The following TBC1D13 variants were observed in gnomAD, a reference collection of about 807,000 sequenced individuals.
TBC1D13 encodes epididymis secretory sperm binding protein.
Under a neutral mutation model 53.6 loss-of-function variants are expected in TBC1D13, and 40 were observed. That is an observed-to-expected ratio of 0.75 (90% CI 0.58 to 0.97). The LOEUF (loss-of-function observed/expected upper bound fraction) is 0.97, where lower values mean the gene tolerates loss of function less well. TBC1D13 is among the 50% of genes least tolerant of loss of function. The probability of loss-of-function intolerance (pLI) is 0.00; values close to 1 mark genes in which losing one functional copy is unlikely to be tolerated. For missense variants in TBC1D13, 377 were observed against 499.4 expected, an observed-to-expected ratio of 0.75 and a Z score of 2.34; for synonymous variants, 182 against 197.7, an observed-to-expected ratio of 0.92 and a Z score of 0.67.
chr9:128,793,028 G>C (rs1049585365), intron 6 of TBC1D13, among the ~76,000 whole-genome samples: 5 of 152,204 alleles, frequency 3.3e-5, no homozygotes, highest in African/African-American at 1.2e-4. Flanking sequence ...AAATTTGAGG[G>C]GGTTTGGGGA....
chr9:128,799,815 A>T (rs1177664675), intron 7 of TBC1D13, among the ~76,000 whole-genome samples: 1 of 152,276 alleles, frequency 6.6e-6, no homozygotes, highest in African/African-American at 2.4e-5. Context: ...AGGTCAGGAG[A>T]TCGAGACCAT....
At chr9:128,792,961 G>A in intron 6 of TBC1D13, among the ~76,000 whole-genome samples, 1 of 152,236 alleles carries the variant, frequency 6.6e-6, no homozygotes, top group Non-Finnish European at 1.5e-5. Flanking sequence ...TGGCAAGACA[G>A]ACATTCAGCC....
chr9:128,797,044 C>A lies in TBC1D13; in HGVS notation c.384-11C>A. 1 of 1,613,620 alleles carries A rather than the reference C, an allele frequency of 6.2e-7. No individual in the cohort carries two copies. The highest frequency in any genetic ancestry group is 8.5e-7 in the Non-Finnish European group (1 of 1,179,786). On this transcript the variant is annotated splice_polypyrimidine_tract_variant and intron_variant, in intron 6 of 11. Transcript: ENST00000372648. Reference sequence around the variant, plus strand: ...TGAGTAACAAGATTATTTCCTGTTCCCTCTTGACAGGAGGTTGTGCCCAGA... The same window carrying A: ...TGAGTAACAAGATTATTTCCTGTTCACTCTTGACAGGAGGTTGTGCCCAGA...
At position 128,788,416 on chromosome 9, in the gene TBC1D13, C is replaced by A. The variant is rs1403011917; in HGVS notation, c.97+9C>A. ...GGAACTCAGCTTTAGTGGTAAGAAG[C>A]CATTCTGTATTTTCACGGTTTCCCT... On this transcript the variant is annotated intron_variant, in intron 2 of 11. Transcript: ENST00000372648. 5 of 1,613,072 alleles carry A rather than the reference C, an allele frequency of 3.1e-6. No homozygotes were observed. Among genetic ancestry groups the A allele is most frequent in the Non-Finnish European group, 3.4e-6 (4 of 1,179,266 alleles).
chr9:128,802,737 A>ATTTT (rs34161473), intron 7 of TBC1D13, among the ~76,000 whole-genome samples: 6,197 of 137,326 alleles, frequency 0.045, 169 homozygotes, highest in East Asian at 0.088. Context: ...CACATTGTCC[A>ATTTT]TTTTTTTTTT....
In TBC1D13 at chr9:128,787,519, C is replaced by T. The variant is rs1310943875; in HGVS notation, c.23+143C>T. ...GTCTCGAGCGTCCACCTTCTAACCT[C>T]ATTGCCTGTGGGCTGCAGGAACGAC... is the stretch of plus-strand genomic sequence containing the variant. On this transcript the variant is annotated intron_variant, in intron 1 of 11. Transcript: ENST00000372648. 4 of 875,576 alleles carry T rather than the reference C, an allele frequency of 4.6e-6. No homozygotes were observed. In the East Asian group the frequency reaches 1.3e-4, roughly 29 times the overall value. 54.2% of individuals were successfully genotyped at this position (875,576 alleles called of 1,614,324 possible).
intron 11 of TBC1D13, among the ~76,000 whole-genome samples, chr9:128,807,330 G>T (rs913875514): frequency 1.3e-5 from 2 of 151,900 alleles, no homozygotes; most frequent in East Asian, 1.9e-4. Flanking sequence ...CAGGTGATCC[G>T]CCCACCTCAG....
chr9:128,799,198 G>T (rs1336557384), intron 7 of TBC1D13, among the ~76,000 whole-genome samples: 1 of 152,218 alleles, frequency 6.6e-6, no homozygotes, highest in African/African-American at 2.4e-5. Flanking sequence ...TGAAGGGCCG[G>T]GAGGGGACTG....
chr9:128,801,811 G>A (rs1463571316), intron 7 of TBC1D13, among the ~76,000 whole-genome samples: 1 of 151,188 alleles, frequency 6.6e-6, no homozygotes, highest in African/African-American at 2.4e-5. Context: ...ACCCAGGCTG[G>A]AGTGCAGTGG....
chr9:128,788,397 C>A lies in TBC1D13; in HGVS notation c.87C>A (p.Leu29=). ...PSIALEKLRE[L]SFSGIPCEGG... ...TTGCATTGGAAAAGCTGCGGGAACT[C>A]AGCTTTAGTGGTAAGAAGCCATTCT... The change falls in exon 2 of 12, where the codon CTC becomes CTA. Residue 29 remains leucine, a synonymous_variant. Transcript: ENST00000372648. 1 of 1,614,044 alleles carries A rather than the reference C, an allele frequency of 6.2e-7. No individual in the cohort carries two copies. Among genetic ancestry groups the A allele is most frequent in the South Asian group, 1.1e-5 (1 of 91,078 alleles).
chr9:128,790,132 C>A (rs1428586220), intron 2 of TBC1D13, among the ~76,000 whole-genome samples: 1 of 151,302 alleles, frequency 6.6e-6, no homozygotes, highest in Non-Finnish European at 1.5e-5. Context: ...TGGCACACAT[C>A]TGTAATCCCA....
Position 128,807,974 on chromosome 9 carries a change from G to A in TBC1D13, c.*95G>A. On this transcript the variant is annotated 3_prime_UTR_variant, in exon 12 of 12. Coordinates refer to ENST00000372648, the MANE Select transcript of TBC1D13 (RefSeq NM_018201.5). ...AGAAACCTGTAGGAACCCAGCCTGAGGGGAAGCCACAGGATCGGCCCGAGA... is the reference window on the plus strand; with the variant it reads ...AGAAACCTGTAGGAACCCAGCCTGAAGGGAAGCCACAGGATCGGCCCGAGA... 2 of 1,249,576 alleles carry A rather than the reference G, an allele frequency of 1.6e-6. No homozygotes were observed. The highest frequency in any genetic ancestry group is 2.4e-5 in the East Asian group (1 of 40,828). The allele number at this position is 1,249,576 out of a possible 1,614,324, so 77.4% of individuals were successfully genotyped here. A position where few individuals can be genotyped will look rare whatever the true frequency, so the allele number is the denominator to read the frequency against.
At position 128,803,361 on chromosome 9, in the gene TBC1D13, G is replaced by A. The variant is rs1429757800; in HGVS notation, c.655G>A (p.Ala219Thr). The A allele has an allele frequency of 8.1e-6, 13 of 1,614,066 alleles. No individual in the cohort carries two copies. The highest frequency in any genetic ancestry group is 4.5e-5 in the East Asian group (2 of 44,894). ...EVVERILFIYAKLNPGIAYVQ... is the reference protein window; with the variant it reads ...EVVERILFIYTKLNPGIAYVQ... ...GGTGGAGCGGATCCTGTTCATCTACGCCAAGCTCAACCCTGGCATCGCTTA... is the reference window on the plus strand; with the variant it reads ...GGTGGAGCGGATCCTGTTCATCTACACCAAGCTCAACCCTGGCATCGCTTA... The change falls in exon 8 of 12, where the codon GCC (alanine) becomes ACC (threonine). Residue 219 changes from alanine to threonine, a missense_variant. Physicochemically the swap from Ala to Thr is moderately conservative, Grantham distance 58. Transcript: ENST00000372648.
At chr9:128,788,297 C>G in intron 1 of TBC1D13, 37 bp from the exon 2 acceptor site, 1 of 1,598,134 alleles carries the variant, frequency 6.3e-7, no homozygotes, top group Non-Finnish European at 8.6e-7. Flanking sequence ...GAGCCGATAT[C>G]AGCATGCTTC....
intron 7 of TBC1D13, among the ~76,000 whole-genome samples, chr9:128,798,444 C>T (rs1829674888): frequency 6.6e-6 from 1 of 152,146 alleles, no homozygotes; most frequent in South Asian, 2.1e-4. Flanking sequence ...GAATCCTTTA[C>T]AGCAGTGTAA....
At chr9:128,791,309 G>A in intron 3 of TBC1D13, 71 bp from the exon 4 acceptor site, 1 of 1,432,530 alleles carries the variant, frequency 7.0e-7, no homozygotes, top group Non-Finnish European at 9.9e-7. Context: ...CTTGAGGCCT[G>A]TCATCCCCGC....
At chr9:128,797,337 C>T in intron 7 of TBC1D13, 123 bp downstream of exon 7, 1 of 1,019,780 alleles carries the variant, frequency 9.8e-7, no homozygotes, top group South Asian at 1.6e-5. Context: ...TCAGCGCAAT[C>T]CTGATGCTGC....
At position 128,797,215 on chromosome 9, in the gene TBC1D13, G is replaced by A; in HGVS notation, c.543+1G>A. On this transcript the variant is annotated splice_donor_variant, in intron 7 of 11. Coordinates refer to ENST00000372648, the MANE Select transcript of TBC1D13 (RefSeq NM_018201.5). LOFTEE classifies it high-confidence loss of function. ...CCGGAACCGGAGTGGGGTCACAAAT[G>A]TGAGTGCCAACCTGGGGTCCCCAGG... 1 of 1,613,926 alleles carries A rather than the reference G, an allele frequency of 6.2e-7. No homozygotes were observed. Among genetic ancestry groups the A allele is most frequent in the Non-Finnish European group, 8.5e-7 (1 of 1,179,884 alleles).
intron 11 of TBC1D13, among the ~76,000 whole-genome samples, chr9:128,807,090 TG>T (rs1829849253): frequency 8.2e-6 from 1 of 122,652 alleles, no homozygotes; most frequent in African/African-American, 4.3e-5. Flanking sequence ...GCTTTGTTGT[TG>T]TTTTTTTTTT....
Sources: gnomAD v4.1 joint callset for allele counts (sites outside exome capture counted in the v4.1 genomes callset) on GRCh38, gnomAD v4.1.1 for gene constraint, MANE v1.5 for transcripts, NCBI Gene and HGNC (gene_info 2026-07-23, HGNC 2026-07-21) for gene names.